Variants in FYB2 observed in about 807,000 individuals in gnomAD.
FYB2 encodes the protein FYN binding protein 2.
FYB2 carries 103 observed loss-of-function variants against 94.1 expected under a neutral mutation model. That is an observed-to-expected ratio of 1.09 (90% CI 0.93 to 1.29). FYB2 has a LOEUF of 1.29. Ranked by LOEUF, FYB2 falls within the 50% of genes most tolerant of loss-of-function variation. FYB2 has a pLI of 0.00. For missense variants in FYB2, 896 were observed against 841.5 expected (o/e 1.06, Z -0.80); for synonymous variants, 293 against 287.9 (o/e 1.02, Z -0.18).
intron 1 of FYB2, among the ~76,000 whole-genome samples, chr1:56,806,201 T>C (rs2185777): frequency 0.027 from 4,169 of 152,260 alleles, 210 homozygotes; most frequent in African/African-American, 0.095. Context: ...AGGTCCCTGC[T>C]GTGATGGAGC....
At chr1:56,801,755 A>T (rs17114372) in intron 1 of FYB2, among the ~76,000 whole-genome samples, 1 of 152,016 alleles carries the variant, frequency 6.6e-6, no homozygotes, top group Admixed American at 6.6e-5. Flanking sequence ...TCATTTCCCT[A>T]TGTACCCAGA....
In FYB2 at chr1:56,742,224, G is replaced by C. The variant is rs1644972181; in HGVS notation, c.1544-3C>G. On this transcript the variant is annotated splice_polypyrimidine_tract_variant and splice_region_variant and intron_variant, in intron 11 of 19. Coordinates refer to ENST00000343433, the MANE Select transcript of FYB2 (RefSeq NM_001004303.5). ...TTCATACAGTTCTCTATTTTCTTCT[G>C]AAATTAGAAGAAAACCCTACTTATA... 1 of 1,571,944 alleles carries C rather than the reference G, an allele frequency of 6.4e-7. No individual in the cohort carries two copies. Among genetic ancestry groups the C allele is most frequent in the Non-Finnish European group, 8.7e-7 (1 of 1,145,660 alleles).
At chr1:56,801,055 C>T (rs1255049562) in intron 1 of FYB2, among the ~76,000 whole-genome samples, 9 of 152,152 alleles carry the variant, frequency 5.9e-5, no homozygotes, top group African/African-American at 1.9e-4. Flanking sequence ...TCTATAGTAT[C>T]GCCAATTGAA....
Position 56,744,203 on chromosome 1 carries a change from C to T in FYB2, c.1451G>A (p.Ser484Asn), listed in dbSNP as rs754684908. 8.7e-6 allele frequency: 14 copies of T among 1,612,808 alleles called. No individual in the cohort carries two copies. Among genetic ancestry groups the T allele is most frequent in the Non-Finnish European group, 1.0e-5 (12 of 1,179,322 alleles). Reference protein sequence around the residue: ...ETPDLGVSKTSSISEEIYDDV... With the variant: ...ETPDLGVSKTNSISEEIYDDV... ...ATCATATATCTCCTCCGAGATGGAACTTGTCTTAGAGACCCCTAGGTCTGG... is the reference window on the plus strand; with the variant it reads ...ATCATATATCTCCTCCGAGATGGAATTTGTCTTAGAGACCCCTAGGTCTGG... Residue 484 changes from serine to asparagine, a missense_variant, in exon 10 of 20, where the codon AGT becomes AAT. Ser to Asn is a conservative substitution (Grantham distance 46). Transcript: ENST00000343433.
At chr1:56,757,687 C>CTTCTTTCTTTCTTTCTTTCTTTCT (rs1191302491) in intron 6 of FYB2, among the ~76,000 whole-genome samples, 8 of 71,948 alleles carry the variant, frequency 1.1e-4, no homozygotes, top group Non-Finnish European at 2.0e-4. Context: ...TCCTTCCTTC[C>CTTCTTTCTTTCTTTCTTTCTTTCT]TTCTTTCTTT....
rs552524440 is a variant in FYB2, at chr1:56,729,461, A to C, written c.1794-2878T>G. 2.0e-5 allele frequency among the ~76,000 whole-genome samples: 3 copies of C among 152,242 alleles called. No individual in the cohort carries two copies. The South Asian group carries it at 6.2e-4, about 32-fold the overall frequency. Reference sequence around the variant, plus strand: ...AAACAGTCACCAACATAGAGATCAAAAGGACCAGATTTGGGGCTCCATCTT... The same window carrying C: ...AAACAGTCACCAACATAGAGATCAACAGGACCAGATTTGGGGCTCCATCTT... On this transcript the variant is annotated intron_variant, in intron 15 of 19. Coordinates refer to ENST00000343433, the MANE Select transcript of FYB2 (RefSeq NM_001004303.5).
chr1:56,720,610 T>G (rs1034824306), intron 17 of FYB2: 1 of 237,360 alleles, frequency 4.2e-6, no homozygotes. Flanking sequence ...AAATCTTTTT[T>G]AAAATTATTC....
rs145028082 is a variant in FYB2 at position 56,782,053 on chromosome 1, G to A, written c.953+5122C>T. On this transcript the variant is annotated intron_variant, in intron 4 of 19. Transcript: ENST00000343433. ...ATATGATATTTTAATACATTCGTAC[G>A]ATGTGTAAAGTTCAAATCAGGGTGA... Among the ~76,000 whole-genome samples, 13 of 152,156 alleles carry A rather than the reference G, an allele frequency of 8.5e-5. No homozygotes were observed. The East Asian group carries it at 1.5e-3, about 18-fold the overall frequency.
chr1:56,795,383 A>G (rs762643912), intron 1 of FYB2, among the ~76,000 whole-genome samples: 2 of 152,164 alleles, frequency 1.3e-5, no homozygotes, highest in African/African-American at 2.4e-5. Context: ...TCATCCGTCA[A>G]TGGAGAGTCA....
chr1:56,807,459 G>A (rs1010576349), intron 1 of FYB2, among the ~76,000 whole-genome samples: 1 of 152,170 alleles, frequency 6.6e-6, no homozygotes, highest in Non-Finnish European at 1.5e-5. Context: ...GAAGATAAAG[G>A]AGCCCCTGTC....
chr1:56,782,687 G>A (rs1017402083), intron 4 of FYB2, among the ~76,000 whole-genome samples: 2 of 152,082 alleles, frequency 1.3e-5, no homozygotes, highest in African/African-American at 4.8e-5. Context: ...AGCATTTAAA[G>A]ACTATCATCA....
intron 4 of FYB2, among the ~76,000 whole-genome samples, chr1:56,777,829 A>G (rs986428822): frequency 2.4e-4 from 36 of 152,022 alleles, no homozygotes; most frequent in African/African-American, 8.5e-4. Context: ...TAAAATTCTG[A>G]TTGTCATTAT....
intron 5 of FYB2, among the ~76,000 whole-genome samples, chr1:56,767,018 C>G (rs1448503515): frequency 1.3e-5 from 2 of 152,156 alleles, no homozygotes; most frequent in Non-Finnish European, 2.9e-5. Flanking sequence ...TGGCCTCGTG[C>G]AACTCAATCT....
intron 5 of FYB2, among the ~76,000 whole-genome samples, chr1:56,766,670 A>G (rs1040787828): frequency 1.3e-5 from 2 of 152,056 alleles, no homozygotes; most frequent in Non-Finnish European, 2.9e-5. Flanking sequence ...ATCTCCTGAT[A>G]TCGTGATCCG....
intron 1 of FYB2, among the ~76,000 whole-genome samples, chr1:56,800,479 A>G (rs1291370120): frequency 6.6e-6 from 1 of 152,130 alleles, no homozygotes; most frequent in Non-Finnish European, 1.5e-5. Flanking sequence ...GCAAAAAAAT[A>G]AATAAATTAA....
intron 5 of FYB2, among the ~76,000 whole-genome samples, chr1:56,766,807 T>C (rs1645635030): frequency 6.6e-6 from 1 of 152,202 alleles, no homozygotes. Flanking sequence ...ATGAACTTCC[T>C]AAGTATGTAT....
chr1:56,751,296 G>T, intron 8 of FYB2, 93 bp from the exon 9 acceptor site: 1 of 1,231,876 alleles, frequency 8.1e-7, no homozygotes, highest in South Asian at 1.6e-5. Context: ...ATTCCTCATG[G>T]ATAACAATTA....
chr1:56,769,226 A>C (rs1036501633), intron 4 of FYB2, among the ~76,000 whole-genome samples: 6 of 151,918 alleles, frequency 3.9e-5, no homozygotes, highest in Non-Finnish European at 5.9e-5. Flanking sequence ...TGTTTGTAGA[A>C]AGGAAGCCTC....
chr1:56,794,351 A>G (rs186451150), intron 1 of FYB2, among the ~76,000 whole-genome samples: 3 of 152,296 alleles, frequency 2.0e-5, no homozygotes, highest in African/African-American at 7.2e-5. Context: ...GTGTTCTGTC[A>G]TCTTTTGCTT....
Sources: allele counts gnomAD v4.1 joint callset (sites outside exome capture counted in the v4.1 genomes callset), GRCh38; gene constraint gnomAD v4.1.1; transcripts MANE v1.5; gene names NCBI Gene and HGNC (gene_info 2026-07-23, HGNC 2026-07-21).